Variants in DOP1B observed in about 807,000 individuals in gnomAD.
The protein encoded by DOP1B is protein DOP1B.
In DOP1B, 174 loss-of-function variants were observed where a neutral mutation model predicts 233.5. The observed-to-expected ratio is 0.75, with a 90% CI of 0.66 to 0.85. The LOEUF is 0.85. Ranked by LOEUF, DOP1B falls within the 40% of genes least tolerant of loss-of-function variation. DOP1B has a pLI of 0.00. For missense variants in DOP1B, 2,652 were observed against 2,846.6 expected (o/e 0.93, Z 1.56); for synonymous variants, 1,190 against 1,185.6 (o/e 1.00, Z -0.08).
rs765382471 is a variant in DOP1B, at chr21:36,247,589, T to G, written c.4770T>G (p.Ser1590Arg). The G allele has an allele frequency of 2.5e-6, 4 of 1,609,030 alleles. No homozygotes were observed. The highest frequency in any genetic ancestry group is 3.4e-6 in the Non-Finnish European group (4 of 1,178,752). Residue 1590 changes from serine (S) to arginine (R), a missense_variant, in exon 20 of 37, where the codon AGT (serine) becomes AGG (arginine). By Grantham distance (110) the Ser-to-Arg change is moderately radical. Around this residue, in one of 3 missense-constraint regions of DOP1B, gnomAD observed 2,617 missense variants for 2,794.3 expected, o/e 0.94. Transcript: ENST00000691173. ...TTCTAGAAGGTCTAACGACCATTAG[T>G]CATTTTTGTCTTTTGGAACAAGCCA... ...LTLLEGLTTI[S>R]HFCLLEQANQ... is the part of the protein sequence containing the mutation.
Position 36,227,866 on chromosome 21 carries a change from A to C in DOP1B, c.1654A>C (p.Ser552Arg). Reference sequence around the variant, plus strand: ...TTCCTACCTCGACACGGAGTCCACCAGCGGAACCTCGGTGTGTACTCTGAG... The same window carrying C: ...TTCCTACCTCGACACGGAGTCCACCCGCGGAACCTCGGTGTGTACTCTGAG... ...PPSYLDTEST[S>R]GTSSPVKGEN... is the part of the protein sequence containing the mutation. Residue 552 changes from serine to arginine, a missense_variant, in exon 13 of 37, where the codon AGC becomes CGC. Ser to Arg is a moderately radical substitution (Grantham distance 110, BLOSUM62 -1). Around this residue, in one of 3 missense-constraint regions of DOP1B, gnomAD observed 2,617 missense variants for 2,794.3 expected, o/e 0.94. Coordinates refer to ENST00000691173, the MANE Select transcript of DOP1B (RefSeq NM_001320714.2). 1 of 1,599,802 alleles carries C rather than the reference A, an allele frequency of 6.3e-7. No homozygotes were observed. Among genetic ancestry groups the C allele is most frequent in the Non-Finnish European group, 8.5e-7 (1 of 1,170,210 alleles).
rs191485766 is a variant in DOP1B, at chr21:36,169,239, C to T, written c.138+4368C>T. Reference sequence around the variant, plus strand: ...TAGTGGACAAAGCCACCCAGAAGGTCGATGCTCTTGTCAGACAGGTCATAG... The same window carrying T: ...TAGTGGACAAAGCCACCCAGAAGGTTGATGCTCTTGTCAGACAGGTCATAG... On this transcript the variant is annotated intron_variant, in intron 2 of 36. Coordinates refer to ENST00000691173, the MANE Select transcript of DOP1B (RefSeq NM_001320714.2). 433 of 946,078 alleles carry T rather than the reference C, an allele frequency of 4.6e-4. No homozygotes were observed. The African/African-American group carries it at 4.9e-3, about 11-fold the overall frequency. The allele number at this position is 946,078 out of a possible 1,614,324, so 58.6% of individuals were successfully genotyped here. A position where few individuals can be genotyped will look rare whatever the true frequency, so the allele number is the denominator to read the frequency against.
chr21:36,207,871 T>C (rs1370376836), intron 4 of DOP1B, among the ~76,000 whole-genome samples: 5 of 152,148 alleles, frequency 3.3e-5, no homozygotes, highest in African/African-American at 1.2e-4. Context: ...AGCCTGCAGA[T>C]TGTGTGCACT....
chr21:36,283,897 C>T (rs1389977655), intron 32 of DOP1B, among the ~76,000 whole-genome samples: 2 of 149,826 alleles, frequency 1.3e-5, no homozygotes, highest in African/African-American at 4.9e-5. Context: ...CCTGATAACC[C>T]TTTCAGTGCC....
intron 18 of DOP1B, among the ~76,000 whole-genome samples, chr21:36,244,763 A>G (rs1201782902): frequency 6.6e-6 from 1 of 152,186 alleles, no homozygotes; most frequent in Admixed American, 6.6e-5. Flanking sequence ...AGGAAAAAAT[A>G]ATACGTATTT....
chr21:36,230,458 A>C lies in DOP1B; in HGVS notation c.1674A>C (p.Val558=). The C allele has an allele frequency of 6.2e-7, 1 of 1,607,456 alleles. No homozygotes were observed. Among genetic ancestry groups the C allele is most frequent in the Non-Finnish European group, 8.5e-7 (1 of 1,174,506 alleles). ...TESTSGTSSP[V]KGENGKIILE... ...CTTTTTATTTTTTACAGAGTCCAGT[A>C]AAAGGTGAAAACGGCAAAATAATTT... The change falls in exon 14 of 37, where the codon GTA becomes GTC. Residue 558 remains valine, a synonymous_variant. Transcript: ENST00000691173.
At chr21:36,239,402 T>C (rs2066865905) in intron 17 of DOP1B, among the ~76,000 whole-genome samples, 3 of 152,188 alleles carry the variant, frequency 2.0e-5, no homozygotes, top group Non-Finnish European at 4.4e-5. Context: ...TGAACTTGAT[T>C]GCAGCCCATT....
chr21:36,243,856 A>G (rs2066921752), intron 18 of DOP1B, among the ~76,000 whole-genome samples: 1 of 151,634 alleles, frequency 6.6e-6, no homozygotes, highest in Non-Finnish European at 1.5e-5. Context: ...AATTTTTTCT[A>G]GAGATGGAGT....
At chr21:36,158,212 G>A (rs920360285) in intron 1 of DOP1B, among the ~76,000 whole-genome samples, 1 of 152,138 alleles carries the variant, frequency 6.6e-6, no homozygotes, top group East Asian at 1.9e-4. Flanking sequence ...ACTTCTTTCT[G>A]TGTCTAGTTA....
At chr21:36,255,623 G>C (rs187735354) in intron 23 of DOP1B, among the ~76,000 whole-genome samples, 1 of 151,244 alleles carries the variant, frequency 6.6e-6, no homozygotes, top group Admixed American at 6.6e-5. Context: ...TGTAGTGACG[G>C]GGTTTGCCAC....
At chr21:36,292,877 G>A (rs904143624) in intron 36 of DOP1B, among the ~76,000 whole-genome samples, 2 of 152,084 alleles carry the variant, frequency 1.3e-5, no homozygotes, top group Non-Finnish European at 2.9e-5. Flanking sequence ...GCCTCCCAAA[G>A]TGTTGGGATT....
At chr21:36,188,299 T>C (rs1056176525) in intron 2 of DOP1B, among the ~76,000 whole-genome samples, 2 of 152,220 alleles carry the variant, frequency 1.3e-5, no homozygotes, top group Non-Finnish European at 2.9e-5. Flanking sequence ...CTGGTCTCAC[T>C]GGTTACCTGT....
At chr21:36,164,944 T>G in intron 2 of DOP1B, 73 bp downstream of exon 2, 1 of 1,261,646 alleles carries the variant, frequency 7.9e-7, no homozygotes, top group Non-Finnish European at 1.0e-6. Flanking sequence ...TATAAGAAAT[T>G]ACATGATTAT....
intron 2 of DOP1B, among the ~76,000 whole-genome samples, chr21:36,175,054 C>G (rs1334857448): frequency 1.3e-5 from 2 of 152,074 alleles, no homozygotes; most frequent in Non-Finnish European, 2.9e-5. Flanking sequence ...GGTGTCTTCT[C>G]CCTGGGTCCT....
chr21:36,202,378 T>C (rs778810313), intron 4 of DOP1B, among the ~76,000 whole-genome samples: 3 of 152,204 alleles, frequency 2.0e-5, no homozygotes, highest in Non-Finnish European at 2.9e-5. Context: ...TTTGTGCTTG[T>C]AAAAGCTGCC....
chr21:36,211,331 G>A (rs1457777563), intron 5 of DOP1B, among the ~76,000 whole-genome samples: 3 of 152,128 alleles, frequency 2.0e-5, no homozygotes, highest in Non-Finnish European at 2.9e-5. Context: ...AAACCCCTCC[G>A]GCTCTCACGT....
intron 18 of DOP1B, among the ~76,000 whole-genome samples, chr21:36,240,625 C>A (rs1429052468): frequency 6.6e-6 from 1 of 152,036 alleles, no homozygotes; most frequent in Non-Finnish European, 1.5e-5. Flanking sequence ...AAGAAATAAA[C>A]CTTTCAGTTC....
chr21:36,215,865 T>G lies in DOP1B; in HGVS notation c.1129+1309T>G, dbSNP rs1243554513. Among the ~76,000 whole-genome samples, 3 of 98,386 alleles carry G rather than the reference T, an allele frequency of 3.0e-5. No individual in the cohort carries two copies. The East Asian group carries it at 1.1e-3, about 36-fold the overall frequency. The allele number at this position is 98,386 out of a possible 152,430, so 64.5% of individuals were successfully genotyped here. A position where few individuals can be genotyped will look rare whatever the true frequency, so the allele number is the denominator to read the frequency against. ...CCATCTCTACTAAAAATACAAAAAT[T>G]AGCTGGGCATGGTGGCGCGTGCCTG... On this transcript the variant is annotated intron_variant, in intron 9 of 36. Coordinates refer to ENST00000691173, the MANE Select transcript of DOP1B (RefSeq NM_001320714.2).
intron 4 of DOP1B, among the ~76,000 whole-genome samples, chr21:36,207,385 A>G (rs996105132): frequency 6.6e-6 from 1 of 150,870 alleles, no homozygotes; most frequent in Non-Finnish European, 1.5e-5. Flanking sequence ...GGGTTTCACC[A>G]TGTTGTCCAG....
Sources: allele counts gnomAD v4.1 joint callset (sites outside exome capture counted in the v4.1 genomes callset), GRCh38; gene constraint gnomAD v4.1.1; regional missense constraint gnomAD v4.1.1; transcripts MANE v1.5; gene names NCBI Gene and HGNC (gene_info 2026-07-23, HGNC 2026-07-21).